The following MYH7 variants were observed in gnomAD, a reference collection of about 807,000 sequenced individuals.
The protein encoded by MYH7 is myosin-7.
MYH7 carries 129 observed loss-of-function variants against 225.4 expected under a neutral mutation model. The observed-to-expected ratio is 0.57, with a 90% CI of 0.50 to 0.66. MYH7 has a LOEUF of 0.66. Ranked by LOEUF, MYH7 falls within the 30% of genes least tolerant of loss-of-function variation. The pLI is 0.00. For missense variants in MYH7, 1,649 were observed against 2,517.0 expected (o/e 0.66, Z 7.38); for synonymous variants, 971 against 1,007.6 (o/e 0.96, Z 0.69).
At chr14:23,431,944 C>A in intron 6 of MYH7, 75 bp from the exon 7 acceptor site, 1 of 1,468,508 alleles carries the variant, frequency 6.8e-7, no homozygotes, top group Admixed American at 1.7e-5. Context: ...GGAGAGAATG[C>A]CTGGGCCTAC....
At chr14:23,412,908 G>A (rs1343051350) in intron 39 of MYH7, 37 bp from the exon 40 acceptor site, 1 of 1,610,958 alleles carries the variant, frequency 6.2e-7, no homozygotes, top group Non-Finnish European at 8.5e-7. Flanking sequence ...AGTCCTTGGA[G>A]AGATGGTATT....
rs1255832799 is a variant in MYH7 at position 23,415,443 on chromosome 14, C to T, written c.5221G>A (p.Val1741Met). The part of the protein sequence containing the change: ...DADLSQLQTE[V>M]EEAVQECRNA... ...CTGCACTCCTGCACTGCCTCCTCCA[C>T]TTCAGTCTGGAGCTGGGACAGGTCA... The change falls in exon 36 of 40, where the codon GTG becomes ATG. Residue 1741 changes from valine to methionine, a missense_variant. This residue lies in a region of MYH7 where 687 missense variants were observed against 913.8 expected (regional missense o/e 0.75). Transcript: ENST00000355349. The surrounding 1 kb of genome is among the most constrained non-coding windows in gnomAD (Gnocchi z 6.3). The T allele has an allele frequency of 3.1e-6, 5 of 1,614,232 alleles. No homozygotes were observed. Among genetic ancestry groups the T allele is most frequent in the Non-Finnish European group, 4.2e-6 (5 of 1,180,028 alleles).
intron 12 of MYH7, 81 bp from the exon 13 acceptor site, chr14:23,429,428 C>T (rs1352851437): frequency 1.4e-6 from 2 of 1,404,562 alleles, no homozygotes; most frequent in East Asian, 2.3e-5. Flanking sequence ...GTAATCCCAG[C>T]ACTTTGGGAG....
chr14:23,431,076 G>C, intron 9 of MYH7, 77 bp from the exon 10 acceptor site: 1 of 1,074,158 alleles, frequency 9.3e-7, no homozygotes, highest in Non-Finnish European at 1.4e-6. Context: ...GATAAATGTA[G>C]CAAGCAAAAG....
In MYH7 at chr14:23,427,291, T is replaced by C. The variant is rs1293989007; in HGVS notation, c.1905A>G (p.Lys635=). ...AGADAPIEKG[K]GKAKKGSSFQ... ...AGGACGAGCCTTTCTTGGCCTTGCC[T>C]TTGCCCTTCTCAATAGCTGCAGGAA... Residue 635 remains lysine (K), a synonymous_variant, in exon 17 of 40, where the codon AAA becomes AAG. Transcript: ENST00000355349. The C allele has an allele frequency of 1.2e-6, 2 of 1,614,092 alleles. No homozygotes were observed. Among genetic ancestry groups the C allele is most frequent in the Admixed American group, 1.7e-5 (1 of 60,014 alleles).
chr14:23,417,644 C>T lies in MYH7; in HGVS notation c.4212G>A (p.Val1404=), dbSNP rs397516205. 1 of 1,612,972 alleles carries T rather than the reference C, an allele frequency of 6.2e-7. No homozygotes were observed. Among genetic ancestry groups the T allele is most frequent in the African/African-American group, 1.3e-5 (1 of 74,920 alleles). Residue 1404 remains valine (V), a synonymous_variant, in exon 31 of 40, where the codon GTG becomes GTA. Transcript: ENST00000355349. ...AQRLQEAEEA[V]EAVNAKCSSL... ...AGGAGCACTTGGCATTAACAGCCTC[C>T]ACGGCCTCCTCAGCTTCCTGCAGCC...
chr14:23,417,845 G>A (rs1595075697), intron 30 of MYH7, 159 bp from the exon 31 acceptor site: 2 of 1,101,390 alleles, frequency 1.8e-6, no homozygotes, highest in East Asian at 4.8e-5. Context: ...ATCAGGCAGA[G>A]GATCCCAGCA....
rs776778917 is a variant in MYH7 at position 23,431,695 on chromosome 14, G to C, written c.640-18C>G. On this transcript the variant is annotated intron_variant, in intron 7 of 39. Transcript: ENST00000355349. ...AGGGTGCCCTGCAGAGGCCAAGAAG[G>C]AGGCAGGTGAGAGCTCTTCTCCCTC... The C allele has an allele frequency of 6.2e-7, 1 of 1,614,136 alleles. No homozygotes were observed. Among genetic ancestry groups the C allele is most frequent in the African/African-American group, 1.3e-5 (1 of 74,950 alleles).
At chr14:23,430,418 G>A in intron 11 of MYH7, 142 bp downstream of exon 11, 1 of 727,050 alleles carries the variant, frequency 1.4e-6, no homozygotes, top group Admixed American at 2.0e-5. Flanking sequence ...AGTACACCCT[G>A]ATCACAGGGC....
chr14:23,414,152 G>C (rs1157033942), intron 37 of MYH7, 50 bp from the exon 38 acceptor site: 1 of 1,542,514 alleles, frequency 6.5e-7, no homozygotes, highest in African/African-American at 1.4e-5. Context: ...GTCATAGAAG[G>C]TAGCATCCCC....
intron 28 of MYH7, 93 bp from the exon 29 acceptor site, chr14:23,419,388 G>T: frequency 6.2e-7 from 1 of 1,612,136 alleles, no homozygotes; most frequent in Non-Finnish European, 8.5e-7. Context: ...CTCTGTGTCT[G>T]TGTGTGCGTG....
chr14:23,430,103 A>G (rs45605934), intron 11 of MYH7, among the ~76,000 whole-genome samples, 190 bp from the exon 12 acceptor site: 1 of 152,162 alleles, frequency 6.6e-6, no homozygotes, highest in African/African-American at 2.4e-5. Flanking sequence ...TGTAAGATGC[A>G]AGAGCAGAGC....
Position 23,431,690 on chromosome 14 carries a change from A to G in MYH7, c.640-13T>C. 1 of 1,614,266 alleles carries G rather than the reference A, an allele frequency of 6.2e-7. No homozygotes were observed. Among genetic ancestry groups the G allele is most frequent in the Non-Finnish European group, 8.5e-7 (1 of 1,180,048 alleles). ...CCTCCAGGGTGCCCTGCAGAGGCCAAGAAGGAGGCAGGTGAGAGCTCTTCT... is the reference window on the plus strand; with the variant it reads ...CCTCCAGGGTGCCCTGCAGAGGCCAGGAAGGAGGCAGGTGAGAGCTCTTCT... On this transcript the variant is annotated splice_polypyrimidine_tract_variant and intron_variant, in intron 7 of 39. Coordinates refer to ENST00000355349, the MANE Select transcript of MYH7 (RefSeq NM_000257.4).
chr14:23,430,695 C>T (rs1892894727), intron 10 of MYH7, 32 bp from the exon 11 acceptor site: 2 of 1,576,378 alleles, frequency 1.3e-6, no homozygotes, highest in African/African-American at 1.4e-5. Context: ...GGGTGGGACA[C>T]AAGCCCCCGG....
At chr14:23,427,207 G>A (rs1470002687) in intron 17 of MYH7, 33 bp downstream of exon 17, 2 of 1,611,364 alleles carry the variant, frequency 1.2e-6, no homozygotes, top group South Asian at 1.1e-5. Context: ...GGCAGATGGG[G>A]AGCCAAGTTG....
chr14:23,417,214 G>T lies in MYH7; in HGVS notation c.4458C>A (p.Asn1486Lys), dbSNP rs571704020. ...GATGTTCCAGGGACTCCTCATAGGCGTTCTTGAGTTTGAAGAGCTCTGTGC... is the reference window on the plus strand; with the variant it reads ...GATGTTCCAGGGACTCCTCATAGGCTTTCTTGAGTTTGAAGAGCTCTGTGC... Reference protein sequence around the residue: ...SLSTELFKLKNAYEESLEHLE... With the variant: ...SLSTELFKLKKAYEESLEHLE... The change falls in exon 32 of 40, where the codon AAC becomes AAA. Residue 1486 changes from asparagine to lysine, a missense_variant. By Grantham distance (94) the Asn-to-Lys change is moderately conservative. Coordinates refer to ENST00000355349, the MANE Select transcript of MYH7 (RefSeq NM_000257.4). The T allele has an allele frequency of 1.2e-6, 2 of 1,614,182 alleles. No individual in the cohort carries two copies. Among genetic ancestry groups the T allele is most frequent in the Non-Finnish European group, 1.7e-6 (2 of 1,180,022 alleles).
chr14:23,419,176 C>T lies in MYH7; in HGVS notation c.3972+1G>A. On this transcript the variant is annotated splice_donor_variant, in intron 29 of 39. Coordinates refer to ENST00000355349, the MANE Select transcript of MYH7 (RefSeq NM_000257.4). LOFTEE classifies it high-confidence loss of function. ...CCAGGTGGCCCGAGTCTAGCCCTTA[C>T]CTTAACCTCCTCCTCCAGCTGCCTC... The T allele has an allele frequency of 6.2e-7, 1 of 1,614,192 alleles. No homozygotes were observed. The highest frequency in any genetic ancestry group is 1.3e-5 in the African/African-American group (1 of 75,050).
intron 25 of MYH7, chr14:23,421,883 C>T (rs1892486011): frequency 4.2e-5 from 28 of 667,898 alleles, no homozygotes; most frequent in Non-Finnish European, 5.2e-5. Flanking sequence ...GAACTGGTCT[C>T]CAAAGAGAGA....
chr14:23,416,703 T>C (rs1892226751), intron 33 of MYH7, among the ~76,000 whole-genome samples, 165 bp downstream of exon 33: 1 of 152,214 alleles, frequency 6.6e-6, no homozygotes, highest in African/African-American at 2.4e-5. Flanking sequence ...TGACTGGTCA[T>C]TCATTCACTC....
Sources: allele counts gnomAD v4.1 joint callset (sites outside exome capture counted in the v4.1 genomes callset), GRCh38; gene constraint gnomAD v4.1.1; regional missense constraint gnomAD v4.1.1; non-coding constraint Gnocchi (gnomAD v3.1); transcripts MANE v1.5; gene names NCBI Gene and HGNC (gene_info 2026-07-23, HGNC 2026-07-21).